The following SIPA1L1 variants were observed in gnomAD, a reference collection of about 807,000 sequenced individuals.
The protein encoded by SIPA1L1 is signal-induced proliferation-associated 1-like protein 1.
Under a neutral mutation model 162.7 loss-of-function variants are expected in SIPA1L1, and 26 were observed. That is an observed-to-expected ratio of 0.16 (90% CI 0.12 to 0.22). SIPA1L1 has a LOEUF of 0.22. Ranked by LOEUF, SIPA1L1 falls within the 10% of genes least tolerant of loss-of-function variation. The probability of loss-of-function intolerance (pLI) is 1.00; values close to 1 mark genes in which losing one functional copy is unlikely to be tolerated. For missense variants in SIPA1L1, 1,874 were observed against 2,241.0 expected (o/e 0.84, Z 3.31); for synonymous variants, 829 against 837.4 (o/e 0.99, Z 0.17).
At chr14:71,535,508 T>C (rs1362196924) in intron 4 of SIPA1L1, among the ~76,000 whole-genome samples, 1 of 152,152 alleles carries the variant, frequency 6.6e-6, no homozygotes, top group African/African-American at 2.4e-5. Flanking sequence ...GAATGCCTTC[T>C]GCTCCTCTGA....
At chr14:71,397,364 C>T (rs1050809571) in intron 2 of SIPA1L1, among the ~76,000 whole-genome samples, 1 of 152,076 alleles carries the variant, frequency 6.6e-6, no homozygotes, top group Admixed American at 6.5e-5. Context: ...CCAGTCATGT[C>T]TCACCTAAAA....
intron 2 of SIPA1L1, among the ~76,000 whole-genome samples, chr14:71,413,118 G>A (rs1255785330): frequency 6.6e-6 from 1 of 152,174 alleles, no homozygotes; most frequent in African/African-American, 2.4e-5. Flanking sequence ...GGCTTCCCTG[G>A]TTTTTGTGTA....
chr14:71,549,396 A>T (rs977056030), intron 4 of SIPA1L1, among the ~76,000 whole-genome samples: 2 of 151,814 alleles, frequency 1.3e-5, no homozygotes, highest in Admixed American at 1.3e-4. Context: ...GCTGTCCCAT[A>T]TGTGAACCAA....
intron 13 of SIPA1L1, among the ~76,000 whole-genome samples, chr14:71,694,248 G>A (rs2081460511): frequency 6.6e-6 from 1 of 152,116 alleles, no homozygotes; most frequent in South Asian, 2.1e-4. Context: ...GTGTGTGTAT[G>A]TGTGTGTGTC....
chr14:71,372,495 C>G (rs1419291665), intron 2 of SIPA1L1, among the ~76,000 whole-genome samples: 1 of 152,084 alleles, frequency 6.6e-6, no homozygotes, highest in Non-Finnish European at 1.5e-5. Flanking sequence ...TGTCTGTGTT[C>G]TACATTTACG....
In SIPA1L1 at chr14:71,624,845, G is replaced by A. The variant is rs117581621; in HGVS notation, c.1818+609G>A. 5.4e-4 allele frequency among the ~76,000 whole-genome samples: 82 copies of A among 152,154 alleles called. No individual in the cohort carries two copies. The East Asian group carries it at 0.015, about 29-fold the overall frequency. The stretch of plus-strand genomic sequence containing the variant: ...AAGCTTAGAGTTTCAAAGTCTATTA[G>A]TACCACCAAAGATATATTCTAGCCA... On this transcript the variant is annotated intron_variant, in intron 7 of 23. Transcript: ENST00000381232.
chr14:71,466,386 G>A (rs545587075), intron 2 of SIPA1L1, among the ~76,000 whole-genome samples: 11 of 152,300 alleles, frequency 7.2e-5, no homozygotes, highest in African/African-American at 2.6e-4. Context: ...AAGAGGTGGT[G>A]TTGCCCACAC....
intron 12 of SIPA1L1, among the ~76,000 whole-genome samples, chr14:71,684,563 G>A (rs930283009): frequency 6.6e-6 from 1 of 152,092 alleles, no homozygotes; most frequent in Non-Finnish European, 1.5e-5. Context: ...ACACCCTTTC[G>A]GAGCCCAGTC....
At chr14:71,638,202 T>C (rs1053127147) in intron 7 of SIPA1L1, among the ~76,000 whole-genome samples, 2 of 152,082 alleles carry the variant, frequency 1.3e-5, no homozygotes, top group African/African-American at 4.8e-5. Context: ...AAATTTAACT[T>C]TATGAAGCCC....
chr14:71,487,135 C>T (rs1236431903), intron 2 of SIPA1L1, among the ~76,000 whole-genome samples: 1 of 152,230 alleles, frequency 6.6e-6, no homozygotes, highest in African/African-American at 2.4e-5. Flanking sequence ...GCTTACTCCT[C>T]TTCAACCTGG....
chr14:71,467,048 G>A (rs2047058552), intron 2 of SIPA1L1: 1 of 152,148 alleles, frequency 6.6e-6, no homozygotes, highest in Non-Finnish European at 1.5e-5. Context: ...CATTTCTAGA[G>A]AGAAATTTTC....
chr14:71,713,020 T>C (rs1307084626), intron 17 of SIPA1L1, among the ~76,000 whole-genome samples: 1 of 152,156 alleles, frequency 6.6e-6, no homozygotes, highest in African/African-American at 2.4e-5. Context: ...CGTGCCAACA[T>C]GAGCATAATA....
At chr14:71,469,914 G>C (rs552328965) in intron 2 of SIPA1L1, among the ~76,000 whole-genome samples, 2 of 152,302 alleles carry the variant, frequency 1.3e-5, no homozygotes, top group East Asian at 3.9e-4. Context: ...CATGTGAGTG[G>C]GATGGGAACT....
chr14:71,435,382 G>A lies in SIPA1L1; in HGVS notation c.-464-77361G>A, dbSNP rs920530752. Among the ~76,000 whole-genome samples the A allele has an allele frequency of 3.3e-5, 5 of 151,978 alleles. No individual in the cohort carries two copies. The East Asian group carries it at 9.7e-4, about 29-fold the overall frequency. ...GATGTTCCCCTTCCTGTGTCCAAGT[G>A]TTCTCATTGTTCAATTCCCACCTAT... is the stretch of plus-strand genomic sequence containing the variant. On this transcript the variant is annotated intron_variant, in intron 2 of 23. Coordinates refer to ENST00000381232, the MANE Select transcript of SIPA1L1 (RefSeq NM_001386936.1).
At chr14:71,464,904 C>G (rs1335813160) in intron 2 of SIPA1L1, among the ~76,000 whole-genome samples, 1 of 152,152 alleles carries the variant, frequency 6.6e-6, no homozygotes, top group African/African-American at 2.4e-5. Context: ...AGTTATAGGT[C>G]TAGAAGCAAA....
chr14:71,508,284 A>G (rs1469628032), intron 2 of SIPA1L1, among the ~76,000 whole-genome samples: 5 of 152,192 alleles, frequency 3.3e-5, no homozygotes, highest in Non-Finnish European at 4.4e-5. Context: ...CAGGCTCTTA[A>G]TTTGTAATCT....
At chr14:71,513,340 G>T (rs76591307) in intron 3 of SIPA1L1, among the ~76,000 whole-genome samples, 1 of 151,944 alleles carries the variant, frequency 6.6e-6, no homozygotes, top group Admixed American at 6.6e-5. Flanking sequence ...GGAATTTGTT[G>T]GTGTGTGTAG....
At position 71,624,234 on chromosome 14, in the gene SIPA1L1, G is replaced by A; in HGVS notation, c.1816G>A (p.Gly606Arg). Reference sequence around the variant, plus strand: ...GCAGCTCATGAAACTGGATGAACAAGGGGTGAGTTTGCCTTTCTGAGGAGA... The same window carrying A: ...GCAGCTCATGAAACTGGATGAACAAAGGGTGAGTTTGCCTTTCTGAGGAGA... ...TEQLMKLDEQ[G>R]LNYQQKVGIM... Residue 606 changes from glycine to arginine, a missense_variant and splice_region_variant, in exon 7 of 24, where the codon GGG (glycine) becomes AGG (arginine). Gly to Arg is a moderately radical substitution (Grantham distance 125). Transcript: ENST00000381232. 2 of 1,607,846 alleles carry A rather than the reference G, an allele frequency of 1.2e-6. No homozygotes were observed. Among genetic ancestry groups the A allele is most frequent in the Non-Finnish European group, 1.7e-6 (2 of 1,175,958 alleles).
At chr14:71,710,904 AT>A (rs2082832320) in intron 17 of SIPA1L1, among the ~76,000 whole-genome samples, 3 of 152,164 alleles carry the variant, frequency 2.0e-5, no homozygotes, top group Admixed American at 6.5e-5. Flanking sequence ...TAGGCACATA[AT>A]CTGTCAGTAA....
Sources: allele counts gnomAD v4.1 joint callset (sites outside exome capture counted in the v4.1 genomes callset), GRCh38; gene constraint gnomAD v4.1.1; transcripts MANE v1.5; gene names NCBI Gene and HGNC (gene_info 2026-07-23, HGNC 2026-07-21).